The following POGLUT2 variants were observed in gnomAD, a reference collection of about 807,000 sequenced individuals.
POGLUT2 encodes ER protein 58.
A neutral mutation model predicts 57.6 loss-of-function variants in POGLUT2; 47 were observed. The ratio of observed to expected loss-of-function variants is 0.82; its 90% CI spans 0.65 to 1.04. The LOEUF (loss-of-function observed/expected upper bound fraction) is 1.04. Among genes scored for constraint, POGLUT2 ranks in the 50% least tolerant of loss-of-function variants. The probability of loss-of-function intolerance (pLI) is 0.00; values close to 1 mark genes in which losing one functional copy is unlikely to be tolerated. For missense variants in POGLUT2, 565 were observed against 614.8 expected (o/e 0.92, Z 0.86); for synonymous variants, 200 against 218.8 (o/e 0.91, Z 0.76).
In POGLUT2 at chr13:102,798,847, C is replaced by G. The variant is rs905796024; in HGVS notation, c.-177G>C. 2 of 567,250 alleles carry G rather than the reference C, an allele frequency of 3.5e-6. No homozygotes were observed. The highest frequency in any genetic ancestry group is 5.8e-6 in the Non-Finnish European group (2 of 346,302). 35.1% of individuals were successfully genotyped at this position (567,250 alleles called of 1,614,324 possible). A position where few individuals can be genotyped will look rare whatever the true frequency, so the allele number is the denominator to read the frequency against. On this transcript the variant is annotated 5_prime_UTR_variant, in exon 1 of 10. It removes the in-frame stop codon of an upstream open reading frame in the 5' UTR. Coordinates refer to ENST00000376004, the MANE Select transcript of POGLUT2 (RefSeq NM_024089.3). The stretch of plus-strand genomic sequence containing the variant: ...CGGGTCTCCGCGACCCCAGGACAAT[C>G]AAAGCCCGTGCCCCGGCGCGCCCAG...
At chr13:102,798,156 C>CTA (rs1190398492) in intron 1 of POGLUT2, among the ~76,000 whole-genome samples, 1 of 152,196 alleles carries the variant, frequency 6.6e-6, no homozygotes, top group African/African-American at 2.4e-5. Flanking sequence ...CATCAAGTCT[C>CTA]TAACAACTAG....
At position 102,784,530 on chromosome 13, in the gene POGLUT2, A is replaced by G. The variant is rs766154094; in HGVS notation, c.1492-18T>C. 5.4e-6 allele frequency: 8 copies of G among 1,478,132 alleles called. No individual in the cohort carries two copies. In the African/African-American group the frequency reaches 1.1e-4, roughly 21 times the overall value. 91.6% of individuals were successfully genotyped at this position (1,478,132 alleles called of 1,614,324 possible). A position where few individuals can be genotyped will look rare whatever the true frequency, so the allele number is the denominator to read the frequency against. ...TCTTTGGTCTGCAATTAAGAAGCAAAATATTTAGAGCTATCAAGAAGTCTT... is the reference window on the plus strand; with the variant it reads ...TCTTTGGTCTGCAATTAAGAAGCAAGATATTTAGAGCTATCAAGAAGTCTT... On this transcript the variant is annotated intron_variant, in intron 9 of 9. Coordinates refer to ENST00000376004, the MANE Select transcript of POGLUT2 (RefSeq NM_024089.3).
intron 6 of POGLUT2, 59 bp from the exon 7 acceptor site, chr13:102,789,280 T>A (rs1878078854): frequency 7.2e-7 from 1 of 1,389,940 alleles, no homozygotes; most frequent in Admixed American, 1.7e-5. Context: ...TCCACTCTAT[T>A]CTCCTTCCCA....
At chr13:102,795,459 C>T (rs1296179293) in intron 2 of POGLUT2, among the ~76,000 whole-genome samples, 1 of 151,730 alleles carries the variant, frequency 6.6e-6, no homozygotes, top group African/African-American at 2.4e-5. Flanking sequence ...GCTACTCATG[C>T]AGCTGAGGTG....
chr13:102,795,883 G>A (rs567728846), intron 2 of POGLUT2, among the ~76,000 whole-genome samples: 2 of 152,088 alleles, frequency 1.3e-5, no homozygotes, highest in Non-Finnish European at 1.5e-5. Context: ...GTTGTTAAGG[G>A]GGGGACAAGA....
At chr13:102,797,565 AAAT>A (rs199683083) in intron 1 of POGLUT2, among the ~76,000 whole-genome samples, 2 of 132,494 alleles carry the variant, frequency 1.5e-5, no homozygotes, top group African/African-American at 6.3e-5. Flanking sequence ...CTGTCTCTAC[AAAT>A]AATAATAATA....
rs1241998147 is a variant in POGLUT2 at position 102,796,696 on chromosome 13, AAAAAT to A, written c.388+103_388+107del. On this transcript the variant is annotated intron_variant, in intron 2 of 9. Coordinates refer to ENST00000376004, the MANE Select transcript of POGLUT2 (RefSeq NM_024089.3). The stretch of plus-strand genomic sequence containing the variant: ...TTCTTCTTTCAGTAAAAAAAAAAAA[AAAAAT>A]ATATATATATATATATATATCATGC... 946 of 142,230 alleles carry A rather than the reference AAAAAT, an allele frequency of 6.7e-3. 7 individuals carry two copies. Among genetic ancestry groups the A allele is most frequent in the African/African-American group, 0.024 (691 of 28,262 alleles). The allele number at this position is 142,230 out of a possible 1,614,324, so 8.8% of individuals were successfully genotyped here.
chr13:102,798,506 C>T lies in POGLUT2; in HGVS notation c.165G>A (p.Val55=), dbSNP rs1412950774. The part of the protein sequence containing the change: ...LPARYFYIQA[V]DTSGNKFTSS... ...CGACTTACTTATTCCCTGATGTATC[C>T]ACTGCCTGAATATAGAAATAGCGGG... Residue 55 remains valine (V), a synonymous_variant, in exon 1 of 10, where the codon GTG becomes GTA. Coordinates refer to ENST00000376004, the MANE Select transcript of POGLUT2 (RefSeq NM_024089.3). The T allele has an allele frequency of 6.2e-7, 1 of 1,609,238 alleles. No homozygotes were observed. Among genetic ancestry groups the T allele is most frequent in the Non-Finnish European group, 8.5e-7 (1 of 1,177,720 alleles).
intron 2 of POGLUT2, among the ~76,000 whole-genome samples, chr13:102,795,759 C>A (rs1157553616): frequency 6.6e-6 from 1 of 152,118 alleles, no homozygotes; most frequent in South Asian, 2.1e-4. Flanking sequence ...CTGTACCAGG[C>A]TGTACTGGCA....
chr13:102,797,376 G>A (rs7334730), intron 1 of POGLUT2, among the ~76,000 whole-genome samples: 2,961 of 152,220 alleles, frequency 0.019, 120 homozygotes, highest in African/African-American at 0.068. Context: ...TGCTCCCAAA[G>A]ATAATGATCT....
rs1400686500 is a variant in POGLUT2, at chr13:102,798,762, G to A, written c.-92C>T. ...CCGAGCCTTCGGCAGGGACCCGCCG[G>A]CCGATCGCAGCAGCCAACGCGACTG... On this transcript the variant is annotated 5_prime_UTR_variant, in exon 1 of 10. Coordinates refer to ENST00000376004, the MANE Select transcript of POGLUT2 (RefSeq NM_024089.3). The A allele has an allele frequency of 1.5e-6, 2 of 1,299,044 alleles. No individual in the cohort carries two copies. The highest frequency in any genetic ancestry group is 2.1e-6 in the Non-Finnish European group (2 of 971,648). 80.5% of individuals were successfully genotyped at this position (1,299,044 alleles called of 1,614,324 possible).
intron 2 of POGLUT2, among the ~76,000 whole-genome samples, chr13:102,794,310 C>A (rs1224437342): frequency 6.6e-6 from 1 of 152,064 alleles, no homozygotes; most frequent in Non-Finnish European, 1.5e-5. Flanking sequence ...CAGCTCTTCA[C>A]AGTGAAGTTT....
At chr13:102,798,118 G>A (rs7992537) in intron 1 of POGLUT2, among the ~76,000 whole-genome samples, 72 of 152,160 alleles carry the variant, frequency 4.7e-4, no homozygotes, top group African/African-American at 1.7e-3. Flanking sequence ...CTTGAAAATT[G>A]AGGGCCGCAC....
chr13:102,791,498 T>A, intron 4 of POGLUT2, 68 bp from the exon 5 acceptor site: 1 of 1,415,508 alleles, frequency 7.1e-7, no homozygotes. Flanking sequence ...ATTTATCAAT[T>A]TAAATTTGAA....
At chr13:102,785,451 TACACACACACACAC>T (rs56102018) in intron 9 of POGLUT2, among the ~76,000 whole-genome samples, 57 of 148,592 alleles carry the variant, frequency 3.8e-4, no homozygotes, top group South Asian at 1.3e-3. Context: ...CAGCATATGT[TACACACACACACAC>T]ACACACACAC....
chr13:102,798,682 ACT>A lies in POGLUT2; in HGVS notation c.-14_-13del. 1 of 1,569,996 alleles carries A rather than the reference ACT, an allele frequency of 6.4e-7. No homozygotes were observed. The highest frequency in any genetic ancestry group is 2.3e-5 in the East Asian group (1 of 42,770). On this transcript the variant is annotated 5_prime_UTR_variant, in exon 1 of 10. Coordinates refer to ENST00000376004, the MANE Select transcript of POGLUT2 (RefSeq NM_024089.3). ...AAAGTGCCAAACATTTACAAGACGG[ACT>A]CTCGAAATGATCCACCGATAAATGA...
At chr13:102,785,995 A>T (rs890404534) in intron 9 of POGLUT2, among the ~76,000 whole-genome samples, 2 of 152,226 alleles carry the variant, frequency 1.3e-5, no homozygotes, top group African/African-American at 4.8e-5. Context: ...ACATTATAAA[A>T]GACTTCCCCC....
chr13:102,797,779 A>T (rs527607555), intron 1 of POGLUT2, among the ~76,000 whole-genome samples: 2 of 152,244 alleles, frequency 1.3e-5, no homozygotes, highest in African/African-American at 4.8e-5. Context: ...GGGCAAAAGC[A>T]AAGTAGTAGG....
chr13:102,796,424 C>G (rs9518839), intron 2 of POGLUT2, among the ~76,000 whole-genome samples: 24,428 of 151,156 alleles, frequency 0.16, 2,563 homozygotes, highest in Non-Finnish European at 0.23. Flanking sequence ...AGCTATCTCC[C>G]TTCCTGAAGT....
Sources: gnomAD v4.1 joint callset for allele counts (sites outside exome capture counted in the v4.1 genomes callset) on GRCh38, gnomAD v4.1.1 for gene constraint, MANE v1.5 for transcripts, NCBI Gene and HGNC (gene_info 2026-07-23, HGNC 2026-07-21) for gene names.